Variants in SF3B6 observed in about 807,000 individuals in gnomAD.
SF3B6 encodes splicing factor 3b subunit 6, also known as SF3b 14 kDa subunit.
In SF3B6, 3 loss-of-function variants were observed where a neutral mutation model predicts 15.9. The observed-to-expected ratio is 0.19, with a 90% CI of 0.09 to 0.49. The LOEUF (loss-of-function observed/expected upper bound fraction) is 0.49, where lower values mean the gene tolerates loss of function less well. SF3B6 is among the 20% of genes least tolerant of loss of function. SF3B6 has a pLI of 0.97. For missense variants in SF3B6, 71 were observed against 154.3 expected (o/e 0.46, Z 2.86); for synonymous variants, 49 against 51.1 (o/e 0.96, Z 0.18).
intron 3 of SF3B6, among the ~76,000 whole-genome samples, chr2:24,068,109 G>A (rs946080228): frequency 1.3e-4 from 20 of 152,060 alleles, no homozygotes; most frequent in Admixed American, 5.2e-4. Context: ...GACTACAGGC[G>A]CCCGCCACCA....
Position 24,074,208 on chromosome 2 carries a change from T to TA in SF3B6, c.31-15dup. ...TGGAAGTCGAATCTAAAATGAGAAATACGTATTGTTATTATAATTAGGGGC... is the reference window on the plus strand; with the variant it reads ...TGGAAGTCGAATCTAAAATGAGAAATAACGTATTGTTATTATAATTAGGGGC... On this transcript the variant is annotated splice_polypyrimidine_tract_variant and intron_variant, in intron 1 of 3. Transcript: ENST00000233468. The TA allele has an allele frequency of 1.5e-6, 2 of 1,361,872 alleles. No individual in the cohort carries two copies. Among genetic ancestry groups the TA allele is most frequent in the Non-Finnish European group, 2.1e-6 (2 of 961,090 alleles). The allele number at this position is 1,361,872 out of a possible 1,614,324, so 84.4% of individuals were successfully genotyped here.
At chr2:24,069,642 A>C (rs755239779) in intron 2 of SF3B6, among the ~76,000 whole-genome samples, 2 of 152,288 alleles carry the variant, frequency 1.3e-5, no homozygotes, top group Non-Finnish European at 2.9e-5. Flanking sequence ...CCATGGGAAG[A>C]GGAGGTACCT....
intron 1 of SF3B6, among the ~76,000 whole-genome samples, chr2:24,075,071 G>A (rs1021025320): frequency 6.6e-6 from 1 of 152,166 alleles, no homozygotes; most frequent in African/African-American, 2.4e-5. Context: ...AGAGGTTGCA[G>A]TGAGCCAAGA....
intron 2 of SF3B6, among the ~76,000 whole-genome samples, chr2:24,071,391 G>T (rs544474437): frequency 1.4e-4 from 22 of 152,048 alleles, no homozygotes; most frequent in African/African-American, 5.1e-4. Flanking sequence ...GATCACCTGA[G>T]GTCAGGAGTT....
chr2:24,068,564 A>T, intron 2 of SF3B6, 105 bp from the exon 3 acceptor site: 1 of 1,039,324 alleles, frequency 9.6e-7, no homozygotes, highest in Non-Finnish European at 1.4e-6. Context: ...TAAAAACAGT[A>T]AATTGAAATA....
At chr2:24,071,630 A>G (rs1664652629) in intron 2 of SF3B6, among the ~76,000 whole-genome samples, 1 of 152,140 alleles carries the variant, frequency 6.6e-6, no homozygotes, top group African/African-American at 2.4e-5. Flanking sequence ...TTCATACAAG[A>G]AGTAGAAAGC....
Position 24,076,295 on chromosome 2 carries a change from G to T in SF3B6, c.-66C>A. 3.8e-6 allele frequency: 6 copies of T among 1,585,398 alleles called. No individual in the cohort carries two copies. Among genetic ancestry groups the T allele is most frequent in the Non-Finnish European group, 4.3e-6 (5 of 1,153,790 alleles). ...TCCTCCGGAGCTCGCTCGGCTTCGG[G>T]GGTTACACCGCGTTAGATGCAGGAC... is the stretch of plus-strand genomic sequence containing the variant. On this transcript the variant is annotated 5_prime_UTR_variant, in exon 1 of 4. Transcript: ENST00000233468.
chr2:24,072,150 T>C (rs1664661973), intron 2 of SF3B6, among the ~76,000 whole-genome samples: 1 of 149,550 alleles, frequency 6.7e-6, no homozygotes. Flanking sequence ...CATGCCCAGC[T>C]AATTTTTGTA....
rs530059086 is a variant in SF3B6 at position 24,067,673 on chromosome 2, A to C, written c.*89T>G. ...AGGTCATTTTGAACCTCAAATAAGA[A>C]ATCACAATATTTAGTATTAATTAAA... On this transcript the variant is annotated 3_prime_UTR_variant, in exon 4 of 4. Coordinates refer to ENST00000233468, the MANE Select transcript of SF3B6 (RefSeq NM_016047.4). 4.2e-5 allele frequency: 44 copies of C among 1,045,318 alleles called. No individual in the cohort carries two copies. In the African/African-American group the frequency reaches 6.3e-4, roughly 15 times the overall value. 64.8% of individuals were successfully genotyped at this position (1,045,318 alleles called of 1,614,324 possible). A position where few individuals can be genotyped will look rare whatever the true frequency, so the allele number is the denominator to read the frequency against.
chr2:24,074,257 T>C (rs536130909), intron 1 of SF3B6, 63 bp from the exon 2 acceptor site: 2 of 822,210 alleles, frequency 2.4e-6, no homozygotes, highest in Non-Finnish European at 2.0e-6. Context: ...ATAATTTAAA[T>C]GCCCCTATAA....
rs548180994 is a variant in SF3B6, at chr2:24,074,866, T to C, written c.31-672A>G. ...CTATCTGGCCGGGTGCGGTGGCTCA[T>C]GCCTGTAATCCCAGCGTTTTGGGAG... is the stretch of plus-strand genomic sequence containing the variant. On this transcript the variant is annotated intron_variant, in intron 1 of 3. Transcript: ENST00000233468. Among the ~76,000 whole-genome samples, 218 of 152,224 alleles carry C rather than the reference T, an allele frequency of 1.4e-3. 1 individual carries two copies. The highest frequency in any genetic ancestry group is 5.1e-3 in the African/African-American group (211 of 41,540).
At chr2:24,073,249 AAAT>A (rs1181905901) in intron 2 of SF3B6, among the ~76,000 whole-genome samples, 23 of 152,344 alleles carry the variant, frequency 1.5e-4, no homozygotes, top group Non-Finnish European at 3.2e-4. Context: ...TACTGTGGTA[AAAT>A]AATAATTTTT....
chr2:24,073,409 T>C (rs1290062435), intron 2 of SF3B6, among the ~76,000 whole-genome samples: 6 of 152,316 alleles, frequency 3.9e-5, no homozygotes, highest in East Asian at 1.9e-4. Context: ...CACTGTAAGA[T>C]AGAAAGGTAC....
At chr2:24,070,931 C>T (rs1664642650) in intron 2 of SF3B6, among the ~76,000 whole-genome samples, 1 of 152,194 alleles carries the variant, frequency 6.6e-6, no homozygotes, top group African/African-American at 2.4e-5. Flanking sequence ...AGCATCATCC[C>T]TTCCTTCAAG....
chr2:24,070,428 G>C (rs999618966), intron 2 of SF3B6, among the ~76,000 whole-genome samples: 1 of 152,148 alleles, frequency 6.6e-6, no homozygotes, highest in African/African-American at 2.4e-5. Context: ...TTCTTGACTG[G>C]CATTAAAATC....
At chr2:24,074,299 C>T (rs959251712) in intron 1 of SF3B6, 105 bp from the exon 2 acceptor site, 18 of 600,848 alleles carry the variant, frequency 3.0e-5, no homozygotes, top group Non-Finnish European at 4.1e-5. Context: ...CTTAATGATA[C>T]GTAATAATAA....
chr2:24,073,979 C>G, intron 2 of SF3B6, 97 bp downstream of exon 2: 1 of 765,626 alleles, frequency 1.3e-6, no homozygotes, highest in East Asian at 2.5e-5. Context: ...TAAGGGTTGT[C>G]GCACTGCACA....
At chr2:24,071,149 C>T (rs1292601785) in intron 2 of SF3B6, among the ~76,000 whole-genome samples, 1 of 151,584 alleles carries the variant, frequency 6.6e-6, no homozygotes, top group Non-Finnish European at 1.5e-5. Flanking sequence ...TGCACCACCA[C>T]GCCTGGCTAA....
At chr2:24,067,986 A>ACTC in intron 3 of SF3B6, 135 bp from the exon 4 acceptor site, 1 of 778,122 alleles carries the variant, frequency 1.3e-6, no homozygotes, top group Non-Finnish European at 2.1e-6. Flanking sequence ...TTCTCTTGAG[A>ACTC]CGGAGTCTCT....
Sources: allele counts gnomAD v4.1 joint callset (sites outside exome capture counted in the v4.1 genomes callset), GRCh38; gene constraint gnomAD v4.1.1; transcripts MANE v1.5; gene names NCBI Gene and HGNC (gene_info 2026-07-23, HGNC 2026-07-21).